NPHP3: variants seen among roughly 807,000 people sequenced by gnomAD.
NPHP3 encodes the protein nephrocystin-3.
In NPHP3, 123 loss-of-function variants were observed where a neutral mutation model predicts 171.9. The ratio of observed to expected loss-of-function variants is 0.72; its 90% confidence interval spans 0.62 to 0.83. The LOEUF (loss-of-function observed/expected upper bound fraction) is 0.83, where lower values mean the gene tolerates loss of function less well. Among genes scored for constraint, NPHP3 ranks in the 40% least tolerant of loss-of-function variants. The pLI is 0.00. For synonymous variants in NPHP3, 558 were observed against 579.2 expected (o/e 0.96, Z 0.52); for missense variants, 1,506 against 1,591.9 (o/e 0.95, Z 0.92).
At position 132,701,505 on chromosome 3, in the gene NPHP3, G is replaced by A. The variant is rs1939604931; in HGVS notation, c.1553C>T (p.Ala518Val). 1.2e-6 allele frequency: 2 copies of A among 1,613,336 alleles called. No homozygotes were observed. Among genetic ancestry groups the A allele is most frequent in the Non-Finnish European group, 1.7e-6 (2 of 1,179,528 alleles). The change falls in exon 10 of 27, where the codon GCA becomes GTA. Residue 518 changes from alanine (A) to valine (V), a missense_variant. Ala to Val is a moderately conservative substitution (Grantham distance 64). This residue lies in a region of NPHP3 where 930 missense variants were observed against 924.9 expected (regional missense o/e 1.01). Transcript: ENST00000337331. ...AAGAGGTGGAATCGGGGCTGGTGCTGCCACTAGATCATTAAGGCGTTGGTA... is the reference window on the plus strand; with the variant it reads ...AAGAGGTGGAATCGGGGCTGGTGCTACCACTAGATCATTAAGGCGTTGGTA... Reference protein sequence around the residue: ...KYYQRLNDLVAAPAPIPPLLV... With the variant: ...KYYQRLNDLVVAPAPIPPLLV...
In NPHP3 at chr3:132,704,251, T is replaced by A. The variant is rs756807243; in HGVS notation, c.1471A>T (p.Met491Leu). The A allele has an allele frequency of 1.9e-6, 3 of 1,614,070 alleles. No individual in the cohort carries two copies. In the African/African-American group the frequency reaches 4.0e-5, roughly 22 times the overall value. The change falls in exon 9 of 27, where the codon ATG becomes TTG. Residue 491 changes from methionine to leucine, a missense_variant. By Grantham distance (15) the Met-to-Leu change is conservative (BLOSUM62 2). Around this residue, in one of 3 missense-constraint regions of NPHP3, gnomAD observed 930 missense variants for 924.9 expected, o/e 1.01. Coordinates refer to ENST00000337331, the MANE Select transcript of NPHP3 (RefSeq NM_153240.5). ...TTAGAAGCCTGCTGAAAAGTTTCCA[T>A]TTGCTCTTGTTCATCATGTATGTCC... The part of the protein sequence containing the change: ...LWDIHDEQEQ[M>L]ETFQQASNSA...
chr3:132,686,869 T>A (rs1252028025), intron 22 of NPHP3, among the ~76,000 whole-genome samples: 1 of 152,202 alleles, frequency 6.6e-6, no homozygotes, highest in East Asian at 1.9e-4. Flanking sequence ...CTAAATTTAT[T>A]TTATTCCTTT....
intron 15 of NPHP3, among the ~76,000 whole-genome samples, chr3:132,695,522 T>C (rs937051131): frequency 5.9e-5 from 9 of 152,212 alleles, no homozygotes; most frequent in African/African-American, 2.2e-4. Flanking sequence ...ATACTTTCAA[T>C]GAACATTATT....
chr3:132,686,444 T>C lies in NPHP3; in HGVS notation c.3202-57A>G. On this transcript the variant is annotated intron_variant, in intron 22 of 26. Coordinates refer to ENST00000337331, the MANE Select transcript of NPHP3 (RefSeq NM_153240.5). ...ACTAAGTAGGTGCAATCCTTGATTCTGAAACAATATATGAGGGTCCTAAAA... is the reference window on the plus strand; with the variant it reads ...ACTAAGTAGGTGCAATCCTTGATTCCGAAACAATATATGAGGGTCCTAAAA... 2.5e-6 allele frequency: 4 copies of C among 1,607,800 alleles called. No individual in the cohort carries two copies. The East Asian group carries it at 8.9e-5, about 36-fold the overall frequency.
chr3:132,687,441 G>C (rs1011096388), intron 21 of NPHP3, among the ~76,000 whole-genome samples: 2 of 152,078 alleles, frequency 1.3e-5, no homozygotes, highest in Non-Finnish European at 2.9e-5. Context: ...TATCATGGAT[G>C]TTTTTCTAAT....
rs752574652 is a variant in NPHP3 at position 132,713,108 on chromosome 3, CA to C, written c.1118+17del. ...ACAGTTTACTGCTTATAATAAATTACATTTTTTTTCAGCTTACCTTGGTAAT... is the reference window on the plus strand; with the variant it reads ...ACAGTTTACTGCTTATAATAAATTACTTTTTTTTCAGCTTACCTTGGTAAT... On this transcript the variant is annotated intron_variant, in intron 6 of 26. Transcript: ENST00000337331. 4.5e-5 allele frequency: 59 copies of C among 1,320,644 alleles called. No homozygotes were observed. The highest frequency in any genetic ancestry group is 2.6e-5 in the South Asian group (2 of 75,512). 81.8% of individuals were successfully genotyped at this position (1,320,644 alleles called of 1,614,324 possible).
chr3:132,703,843 A>G (rs537070324), intron 9 of NPHP3, among the ~76,000 whole-genome samples: 269 of 152,160 alleles, frequency 1.8e-3, no homozygotes, highest in Non-Finnish European at 3.3e-3. Flanking sequence ...AGCCTCCCAA[A>G]GTGTTGAGAT....
intron 9 of NPHP3, among the ~76,000 whole-genome samples, chr3:132,703,174 T>C (rs1406801419): frequency 6.6e-6 from 1 of 152,238 alleles, no homozygotes; most frequent in Non-Finnish European, 1.5e-5. Flanking sequence ...CTATTAGTTA[T>C]TCTCATTTTA....
chr3:132,686,735 A>G (rs930526162), intron 22 of NPHP3, among the ~76,000 whole-genome samples: 1 of 152,236 alleles, frequency 6.6e-6, no homozygotes, highest in African/African-American at 2.4e-5. Flanking sequence ...TGCACACAGC[A>G]TTTTAAATTA....
chr3:132,716,999 A>T (rs1940071935), intron 3 of NPHP3, 90 bp from the exon 4 acceptor site: 1 of 1,290,928 alleles, frequency 7.7e-7, no homozygotes, highest in South Asian at 1.3e-5. Context: ...TGCTGATTTT[A>T]AAAAATATGA....
chr3:132,716,839 G>C lies in NPHP3; in HGVS notation c.741C>G (p.Ile247Met), dbSNP rs1940065440. 6.2e-7 allele frequency: 1 copy of C among 1,614,144 alleles called. No homozygotes were observed. Among genetic ancestry groups the C allele is most frequent in the Non-Finnish European group, 8.5e-7 (1 of 1,180,004 alleles). ...GGCCTCTGAAGGACTGCTGAAGCTG[G>C]ATCATGCTTCCTATGGAAGGTTCAC... ...LGSEPSIGSM[I>M]QLQQSFRGPE... The change falls in exon 4 of 27, where the codon ATC (isoleucine) becomes ATG (methionine). Residue 247 changes from isoleucine to methionine, a missense_variant. By Grantham distance (10) the Ile-to-Met change is conservative. Around this residue, in one of 3 missense-constraint regions of NPHP3, gnomAD observed 930 missense variants for 924.9 expected, o/e 1.01. Transcript: ENST00000337331.
Position 132,692,702 on chromosome 3 carries a change from C to T in NPHP3, c.2427G>A (p.Met809Ile). ...LTSLIHSLYK[M>I]CLLTYGCGLL... is the part of the protein sequence containing the mutation. Reference sequence around the variant, plus strand: ...AGCCACATCCATAAGTCAACAAACACATTTTGTATAAACTGTGAATAAGGG... The same window carrying T: ...AGCCACATCCATAAGTCAACAAACATATTTTGTATAAACTGTGAATAAGGG... The change falls in exon 17 of 27, where the codon ATG becomes ATA. Residue 809 changes from methionine (M) to isoleucine (I), a missense_variant. This residue lies in a region of NPHP3 where 569 missense variants were observed against 648.1 expected (regional missense o/e 0.88). Coordinates refer to ENST00000337331, the MANE Select transcript of NPHP3 (RefSeq NM_153240.5). 1.2e-6 allele frequency: 2 copies of T among 1,614,072 alleles called. No individual in the cohort carries two copies. Among genetic ancestry groups the T allele is most frequent in the East Asian group, 2.2e-5 (1 of 44,854 alleles).
chr3:132,700,922 G>A (rs1211498649), intron 10 of NPHP3, among the ~76,000 whole-genome samples: 2 of 151,978 alleles, frequency 1.3e-5, no homozygotes, highest in Non-Finnish European at 2.9e-5. Context: ...AAATAATAAA[G>A]TTTATTAGCT....
At chr3:132,686,414 C>CA (rs2107965231) in intron 22 of NPHP3, 27 bp from the exon 23 acceptor site, 1 of 1,613,494 alleles carries the variant, frequency 6.2e-7, no homozygotes, top group Non-Finnish European at 8.5e-7. Context: ...AAATGAAAAG[C>CA]AATCACTAAG....
intron 18 of NPHP3, among the ~76,000 whole-genome samples, chr3:132,690,902 T>G (rs1318614410): frequency 6.6e-6 from 1 of 152,034 alleles, no homozygotes; most frequent in Non-Finnish European, 1.5e-5. Flanking sequence ...AAAAAAACAC[T>G]CAATGGACCC....
chr3:132,696,085 A>G (rs1408616272), intron 15 of NPHP3, among the ~76,000 whole-genome samples: 1 of 152,074 alleles, frequency 6.6e-6, no homozygotes, highest in Non-Finnish European at 1.5e-5. Flanking sequence ...TAGAATTGCC[A>G]TCTATTGCAA....
rs778581370 is a variant in NPHP3, at chr3:132,722,185, G to C, written c.171C>G (p.Pro57=). Residue 57 remains proline (P), a synonymous_variant, in exon 1 of 27, where the codon CCC becomes CCG. Coordinates refer to ENST00000337331, the MANE Select transcript of NPHP3 (RefSeq NM_153240.5). ...CGCCCACCCCGCGGGGCAGCGACCCGGGCCCGGCCCCTGCTGCCGCCCCCG... is the reference window on the plus strand; with the variant it reads ...CGCCCACCCCGCGGGGCAGCGACCCCGGCCCGGCCCCTGCTGCCGCCCCCG... ...RGAGAAAGAG[P]GSLPRGVGAG... The C allele has an allele frequency of 2.0e-6, 3 of 1,511,494 alleles. No individual in the cohort carries two copies. Among genetic ancestry groups the C allele is most frequent in the Non-Finnish European group, 2.6e-6 (3 of 1,139,470 alleles). The allele number at this position is 1,511,494 out of a possible 1,614,324, so 93.6% of individuals were successfully genotyped here.
chr3:132,687,526 C>T lies in NPHP3; in HGVS notation c.3126-300G>A, dbSNP rs975921801. Among the ~76,000 whole-genome samples the T allele has an allele frequency of 2.6e-5, 4 of 152,144 alleles. No homozygotes were observed. The South Asian group carries it at 8.3e-4, about 32-fold the overall frequency. Reference sequence around the variant, plus strand: ...GTCCTTTAAGTAGCTGACATCTGATCATCTTTAACTAATTTAACTCATCCT... The same window carrying T: ...GTCCTTTAAGTAGCTGACATCTGATTATCTTTAACTAATTTAACTCATCCT... On this transcript the variant is annotated intron_variant, in intron 21 of 26. Coordinates refer to ENST00000337331, the MANE Select transcript of NPHP3 (RefSeq NM_153240.5).
At chr3:132,707,682 C>A (rs1342771623) in intron 7 of NPHP3, among the ~76,000 whole-genome samples, 1 of 141,090 alleles carries the variant, frequency 7.1e-6, no homozygotes, top group Non-Finnish European at 1.5e-5. Flanking sequence ...ACTCAGAATC[C>A]TACCACTTCT....
Sources: gnomAD v4.1 joint callset for allele counts (sites outside exome capture counted in the v4.1 genomes callset) on GRCh38, gnomAD v4.1.1 for gene constraint, gnomAD v4.1.1 regional missense constraint, MANE v1.5 for transcripts, NCBI Gene and HGNC (gene_info 2026-07-23, HGNC 2026-07-21) for gene names.